Variants in DCDC1 observed in about 807,000 individuals in gnomAD.
DCDC1 encodes the protein doublecortin domain containing 1.
DCDC1 carries 200 observed loss-of-function variants against 178.3 expected under a neutral mutation model. The ratio of observed to expected loss-of-function variants is 1.12; its 90% CI spans 1.00 to 1.26. DCDC1 has a LOEUF of 1.26. DCDC1 is among the 50% of genes most tolerant of loss of function. The probability of loss-of-function intolerance (pLI) is 0.00; values close to 1 mark genes in which losing one functional copy is unlikely to be tolerated. For missense variants in DCDC1, 1,983 were observed against 1,749.2 expected (o/e 1.13, Z -2.38); for synonymous variants, 690 against 604.8 (o/e 1.14, Z -2.07).
intron 9 of DCDC1, among the ~76,000 whole-genome samples, chr11:31,173,946 A>G (rs1273970157): frequency 6.6e-6 from 1 of 152,172 alleles, no homozygotes; most frequent in African/African-American, 2.4e-5. Flanking sequence ...TGCTAGCTGC[A>G]GTGGGGGAGG....
chr11:31,358,036 C>G (rs997780159), intron 1 of DCDC1, among the ~76,000 whole-genome samples: 2 of 151,774 alleles, frequency 1.3e-5, no homozygotes, highest in African/African-American at 2.4e-5. Flanking sequence ...AGATTCAATG[C>G]CATCCCCATC....
intron 36 of DCDC1, among the ~76,000 whole-genome samples, chr11:30,887,850 A>T (rs182496504): frequency 1.3e-5 from 2 of 152,026 alleles, no homozygotes; most frequent in Non-Finnish European, 2.9e-5. Context: ...TGTCTACTAT[A>T]AAGACAAAAT....
At position 31,241,675 on chromosome 11, in the gene DCDC1, C is replaced by A. The variant is rs1268962168; in HGVS notation, c.1055-59G>T. The A allele has an allele frequency of 7.6e-6, 3 of 394,656 alleles. No homozygotes were observed. In the East Asian group the frequency reaches 1.1e-4, roughly 14 times the overall value. The allele number at this position is 394,656 out of a possible 1,614,324, so 24.4% of individuals were successfully genotyped here. A position where few individuals can be genotyped will look rare whatever the true frequency, so the allele number is the denominator to read the frequency against. The stretch of plus-strand genomic sequence containing the variant: ...GACCCAACCCAACCGAAATACACTG[C>A]CTGGAACACAGCCCCAATACCAGAG... On this transcript the variant is annotated intron_variant, in intron 8 of 38. Transcript: ENST00000684477.
intron 1 of DCDC1, among the ~76,000 whole-genome samples, chr11:31,356,228 G>A (rs1951350480): frequency 6.6e-6 from 1 of 152,144 alleles, no homozygotes; most frequent in Non-Finnish European, 1.5e-5. Context: ...ATTTATTTAA[G>A]TTAATAACTG....
intron 20 of DCDC1, among the ~76,000 whole-genome samples, chr11:30,965,535 C>CTTT (rs34013491): frequency 7.2e-6 from 1 of 139,098 alleles, no homozygotes; most frequent in Non-Finnish European, 1.6e-5. Flanking sequence ...TAGAAAATTT[C>CTTT]TTTTTTTTTT....
intron 20 of DCDC1, among the ~76,000 whole-genome samples, chr11:30,974,453 T>C (rs536389078): frequency 2.0e-5 from 3 of 151,482 alleles, no homozygotes; most frequent in Non-Finnish European, 4.4e-5. Flanking sequence ...TTCAAAAAAA[T>C]GCAATGAACT....
Position 30,878,716 on chromosome 11 carries a change from T to TAAAAA in DCDC1, c.5234-10_5234-6dup. On this transcript the variant is annotated splice_region_variant and splice_polypyrimidine_tract_variant and intron_variant, in intron 37 of 38. Coordinates refer to ENST00000684477, the MANE Select transcript of DCDC1 (RefSeq NM_001387274.1). Reference sequence around the variant, plus strand: ...TCTCCATCAGTTGTTTTAACTCTGTTAAAAAAAAAAAAAAAAGAAGTTGAG... The same window carrying TAAAAA: ...TCTCCATCAGTTGTTTTAACTCTGTTAAAAAAAAAAAAAAAAAAAAAGAAGTTGAG... 2 of 1,390,416 alleles carry TAAAAA rather than the reference T, an allele frequency of 1.4e-6. No homozygotes were observed. The highest frequency in any genetic ancestry group is 1.9e-6 in the Non-Finnish European group (2 of 1,049,334). The allele number at this position is 1,390,416 out of a possible 1,614,324, so 86.1% of individuals were successfully genotyped here.
At chr11:30,933,606 CAT>C (rs139206439) in intron 21 of DCDC1, among the ~76,000 whole-genome samples, 3,292 of 152,216 alleles carry the variant, frequency 0.022, 125 homozygotes, top group African/African-American at 0.073. Flanking sequence ...ATGAAATTAA[CAT>C]GTAATTTTCA....
At chr11:30,918,090 A>C (rs1328573649) in intron 25 of DCDC1, among the ~76,000 whole-genome samples, 2 of 152,008 alleles carry the variant, frequency 1.3e-5, no homozygotes, top group Non-Finnish European at 2.9e-5. Context: ...TAAAACGCAC[A>C]GCTTTCTCAT....
chr11:31,182,551 C>A (rs1968946307), intron 9 of DCDC1, among the ~76,000 whole-genome samples: 1 of 152,054 alleles, frequency 6.6e-6, no homozygotes, highest in East Asian at 1.9e-4. Flanking sequence ...CACAACCAGG[C>A]CTGCCTTACA....
intron 9 of DCDC1, among the ~76,000 whole-genome samples, chr11:31,182,741 C>T (rs1166764875): frequency 6.6e-6 from 1 of 152,122 alleles, no homozygotes; most frequent in Non-Finnish European, 1.5e-5. Context: ...ATCAAATTCA[C>T]ACATAAGAAT....
intron 1 of DCDC1, among the ~76,000 whole-genome samples, chr11:31,369,300 A>G (rs1433002658): frequency 6.6e-6 from 1 of 152,242 alleles, no homozygotes; most frequent in Non-Finnish European, 1.5e-5. Context: ...TAAAAGAAAT[A>G]TTAATAATTA....
chr11:31,054,408 T>C (rs1298912848), intron 20 of DCDC1, among the ~76,000 whole-genome samples: 3 of 152,120 alleles, frequency 2.0e-5, no homozygotes, highest in Admixed American at 6.5e-5. Flanking sequence ...AAAATGACCA[T>C]ATTGCCAAAA....
intron 21 of DCDC1, chr11:30,943,540 C>A: frequency 5.3e-6 from 2 of 380,718 alleles, no homozygotes; most frequent in South Asian, 3.9e-5. Context: ...TTACTTTTTA[C>A]CACAATTCCT....
chr11:31,261,453 G>A (rs533540904), intron 8 of DCDC1, among the ~76,000 whole-genome samples: 1 of 151,676 alleles, frequency 6.6e-6, no homozygotes, highest in African/African-American at 2.4e-5. Flanking sequence ...CCACATCCCT[G>A]GACTCAACCA....
intron 9 of DCDC1, among the ~76,000 whole-genome samples, chr11:31,214,103 A>C (rs1159507746): frequency 7.0e-6 from 1 of 142,340 alleles, no homozygotes; most frequent in Non-Finnish European, 1.6e-5. Context: ...AAAAACATTA[A>C]TTCATTGTAA....
Position 31,091,412 on chromosome 11 carries a change from T to C in DCDC1, c.2218A>G (p.Lys740Glu). The part of the protein sequence containing the change: ...AAEGTSLEGY[K>E]LILQKRHSGD... ...CATTACCTTTTCTGTAAGATTAATTTATATCCTTCTAGTGATGTTCCCTCA... is the reference window on the plus strand; with the variant it reads ...CATTACCTTTTCTGTAAGATTAATTCATATCCTTCTAGTGATGTTCCCTCA... The change falls in exon 17 of 39, where the codon AAA becomes GAA. Residue 740 changes from lysine to glutamate, a missense_variant. Physicochemically the swap from Lys to Glu is moderately conservative, Grantham distance 56. Transcript: ENST00000684477. 1 of 752,940 alleles carries C rather than the reference T, an allele frequency of 1.3e-6. No individual in the cohort carries two copies. The highest frequency in any genetic ancestry group is 1.4e-5 in the South Asian group (1 of 72,094). 46.6% of individuals were successfully genotyped at this position (752,940 alleles called of 1,614,324 possible).
intron 9 of DCDC1, among the ~76,000 whole-genome samples, chr11:31,198,864 C>T (rs1378532785): frequency 6.6e-6 from 1 of 151,784 alleles, no homozygotes; most frequent in Admixed American, 6.6e-5. Context: ...CTTGAAGTTG[C>T]CCCCAAAAGC....
In DCDC1 at chr11:31,290,794, A is replaced by G; in HGVS notation, c.813T>C (p.Thr271=). Residue 271 remains threonine, a synonymous_variant, in exon 7 of 39, where the codon ACT becomes ACC. Coordinates refer to ENST00000684477, the MANE Select transcript of DCDC1 (RefSeq NM_001387274.1). The stretch of plus-strand genomic sequence containing the variant: ...GCTTGGTTTTCCGTCTTTTGATATC[A>G]GTAGGAAGCATCAACCCATTCATTG... ...TWTMNGLMLP[T]DIKRRKTKPV... 6.2e-7 allele frequency: 1 copy of G among 1,613,500 alleles called. No individual in the cohort carries two copies. Among genetic ancestry groups the G allele is most frequent in the Non-Finnish European group, 8.5e-7 (1 of 1,179,584 alleles).
Sources: gnomAD v4.1 joint callset for allele counts (sites outside exome capture counted in the v4.1 genomes callset) on GRCh38, gnomAD v4.1.1 for gene constraint, MANE v1.5 for transcripts, NCBI Gene and HGNC (gene_info 2026-07-23, HGNC 2026-07-21) for gene names.